Variants in CPNE3 observed in about 807,000 individuals in gnomAD.
The protein encoded by CPNE3 is copine-3.
CPNE3 carries 68 observed loss-of-function variants against 63.9 expected under a neutral mutation model. That is an observed-to-expected ratio of 1.06 (90% confidence interval 0.87 to 1.30). The LOEUF (loss-of-function observed/expected upper bound fraction) is 1.30. Ranked by LOEUF, CPNE3 falls within the 50% of genes most tolerant of loss-of-function variation. CPNE3 has a pLI of 0.00. For missense variants in CPNE3, 665 were observed against 578.1 expected (o/e 1.15, Z -1.54); for synonymous variants, 219 against 197.5 (o/e 1.11, Z -0.91).
intron 8 of CPNE3, among the ~76,000 whole-genome samples, chr8:86,544,386 A>G (rs1821004632): frequency 6.6e-6 from 1 of 152,200 alleles, no homozygotes; most frequent in Non-Finnish European, 1.5e-5. Context: ...TAATAAGGCA[A>G]AGAAGTGGAT....
At chr8:86,524,769 T>A (rs1451379647) in intron 2 of CPNE3, 1 of 149,210 alleles carries the variant, frequency 6.7e-6, no homozygotes, top group African/African-American at 2.5e-5. Context: ...ACTCCTGAAC[T>A]TGAGTGAGCC....
intron 2 of CPNE3, among the ~76,000 whole-genome samples, chr8:86,516,417 A>G (rs1229832565): frequency 6.6e-6 from 1 of 152,178 alleles, no homozygotes; most frequent in African/African-American, 2.4e-5. Flanking sequence ...ATGGCAACCT[A>G]TTATACATTT....
At chr8:86,549,444 A>G (rs1821124086) in intron 12 of CPNE3, among the ~76,000 whole-genome samples, 1 of 152,214 alleles carries the variant, frequency 6.6e-6, no homozygotes, top group African/African-American at 2.4e-5. Context: ...GAATTAGGAC[A>G]TGACCAGTGG....
chr8:86,541,858 G>A (rs1820949426), intron 8 of CPNE3, among the ~76,000 whole-genome samples: 1 of 152,038 alleles, frequency 6.6e-6, no homozygotes. Context: ...TTGAAAATTA[G>A]CTATAAAAAT....
intron 9 of CPNE3, among the ~76,000 whole-genome samples, 168 bp from the exon 10 acceptor site, chr8:86,546,427 T>C (rs144798194): frequency 4.7e-4 from 71 of 152,278 alleles, no homozygotes; most frequent in African/African-American, 1.4e-3. Flanking sequence ...CTGATAAATA[T>C]TCCACATACT....
intron 2 of CPNE3, among the ~76,000 whole-genome samples, chr8:86,516,985 A>G (rs1820327766): frequency 6.6e-6 from 1 of 152,208 alleles, no homozygotes; most frequent in African/African-American, 2.4e-5. Flanking sequence ...ACTCAATGTC[A>G]CTTCCATTGG....
At chr8:86,519,119 A>G (rs68064728) in intron 2 of CPNE3, among the ~76,000 whole-genome samples, 7,738 of 152,182 alleles carry the variant, frequency 0.051, 313 homozygotes, top group African/African-American at 0.1. Context: ...CCTATGATGA[A>G]CTGTTGAATT....
At chr8:86,553,206 C>A (rs1821233265) in intron 14 of CPNE3, among the ~76,000 whole-genome samples, 2 of 151,862 alleles carry the variant, frequency 1.3e-5, no homozygotes, top group African/African-American at 4.8e-5. Context: ...GGACTGACTA[C>A]TAGTAACATG....
intron 2 of CPNE3, 40 bp from the exon 3 acceptor site, chr8:86,528,495 GC>G: frequency 1.2e-6 from 2 of 1,606,706 alleles, no homozygotes; most frequent in Non-Finnish European, 1.7e-6. Context: ...CTTCTTAAAG[GC>G]ACTGTTTTAC....
chr8:86,532,882 A>C (rs1344232317), intron 6 of CPNE3, among the ~76,000 whole-genome samples: 1 of 152,196 alleles, frequency 6.6e-6, no homozygotes, highest in Non-Finnish European at 1.5e-5. Context: ...AAAAAAGTGA[A>C]AACTCTGTGC....
intron 9 of CPNE3, among the ~76,000 whole-genome samples, chr8:86,546,055 C>A (rs1946940): frequency 0.48 from 72,661 of 151,720 alleles, 17,896 homozygotes; most frequent in African/African-American, 0.58. Context: ...GAAATATAAA[C>A]AAGAGGAGGT....
intron 15 of CPNE3, 40 bp downstream of exon 15, chr8:86,555,024 T>C: frequency 6.2e-7 from 1 of 1,611,256 alleles, no homozygotes; most frequent in African/African-American, 1.3e-5. Context: ...GAATGTGGAT[T>C]GGTAGCAGCT....
At chr8:86,530,170 C>CTT (rs71275863) in intron 4 of CPNE3, among the ~76,000 whole-genome samples, 3 of 122,628 alleles carry the variant, frequency 2.4e-5, no homozygotes. Context: ...AAATTGAATC[C>CTT]TTTTTTTTTT....
At chr8:86,533,252 ACATTTTAGGGCTAGG>A (rs1347431257) in intron 6 of CPNE3, among the ~76,000 whole-genome samples, 1 of 152,060 alleles carries the variant, frequency 6.6e-6, no homozygotes, top group Non-Finnish European at 1.5e-5. Context: ...CAGTTTGAAA[ACATTTTAGGGCTAGG>A]CATGGTGGCT....
At chr8:86,516,094 C>G (rs1360797241) in intron 2 of CPNE3, among the ~76,000 whole-genome samples, 1 of 152,198 alleles carries the variant, frequency 6.6e-6, no homozygotes, top group Non-Finnish European at 1.5e-5. Flanking sequence ...ACATCCCACT[C>G]TGGGCTGAAA....
chr8:86,552,207 G>GT (rs1821196598), intron 14 of CPNE3, among the ~76,000 whole-genome samples: 1 of 152,192 alleles, frequency 6.6e-6, no homozygotes, highest in Non-Finnish European at 1.5e-5. Flanking sequence ...AGAAGAAAAT[G>GT]TTTTTTCCTT....
rs577638593 is a variant in CPNE3, at chr8:86,529,662, C to T, written c.312+538C>T. Reference sequence around the variant, plus strand: ...TTCTCACCATACTTTTTAATAGTTGCTTAATTATCTGTCTTCCCAGTATAT... The same window carrying T: ...TTCTCACCATACTTTTTAATAGTTGTTTAATTATCTGTCTTCCCAGTATAT... On this transcript the variant is annotated intron_variant, in intron 4 of 16. Transcript: ENST00000517490. Among the ~76,000 whole-genome samples the T allele has an allele frequency of 9.9e-5, 15 of 152,260 alleles. 1 individual carries two copies. The highest frequency in any genetic ancestry group is 2.6e-4 in the African/African-American group (11 of 41,558).
chr8:86,535,663 C>A (rs956159761), intron 6 of CPNE3, among the ~76,000 whole-genome samples: 4 of 152,032 alleles, frequency 2.6e-5, no homozygotes, highest in African/African-American at 9.7e-5. Context: ...TCCAAAACAA[C>A]AGAGATAATT....
chr8:86,555,126 TTTG>T (rs376679894), intron 15 of CPNE3, 142 bp downstream of exon 15: 133 of 1,212,772 alleles, frequency 1.1e-4, no homozygotes, highest in African/African-American at 5.8e-4. Flanking sequence ...GGGAGTAACT[TTTG>T]TTGTTGTTAT....
Sources: gnomAD v4.1 joint callset for allele counts (sites outside exome capture counted in the v4.1 genomes callset) on GRCh38, gnomAD v4.1.1 for gene constraint, MANE v1.5 for transcripts, NCBI Gene and HGNC (gene_info 2026-07-23, HGNC 2026-07-21) for gene names.